Variants in HDLBP observed in about 807,000 individuals in gnomAD.
The protein encoded by HDLBP is high density lipoprotein binding protein.
HDLBP carries 30 observed loss-of-function variants against 137.3 expected under a neutral mutation model. That is an observed-to-expected ratio of 0.22 (90% confidence interval 0.16 to 0.30). HDLBP has a LOEUF of 0.30. Among genes scored for constraint, HDLBP ranks in the 10% least tolerant of loss-of-function variants. The probability of loss-of-function intolerance (pLI) is 1.00; values close to 1 mark genes in which losing one functional copy is unlikely to be tolerated. For missense variants in HDLBP, 1,119 were observed against 1,667.3 expected, an observed-to-expected ratio of 0.67 and a Z score of 5.73; for synonymous variants, 606 against 596.0, an observed-to-expected ratio of 1.02 and a Z score of -0.24.
intron 1 of HDLBP, among the ~76,000 whole-genome samples, chr2:241,282,855 G>T (rs919597742): frequency 6.6e-6 from 1 of 152,156 alleles, no homozygotes; most frequent in African/African-American, 2.4e-5. Flanking sequence ...ATATTGAGGG[G>T]AAACCAATTA....
chr2:241,271,326 G>A (rs1482264632), intron 1 of HDLBP, among the ~76,000 whole-genome samples: 4 of 152,174 alleles, frequency 2.6e-5, no homozygotes, highest in Non-Finnish European at 4.4e-5. Context: ...AAGCAAAAAA[G>A]GTCACATCTC....
chr2:241,249,418 A>G (rs1231779664), intron 12 of HDLBP: 3 of 476,550 alleles, frequency 6.3e-6, no homozygotes, highest in Non-Finnish European at 1.3e-5. Context: ...AGCCCAGAGC[A>G]GTGCAGTGCT....
intron 16 of HDLBP, among the ~76,000 whole-genome samples, chr2:241,245,571 C>A (rs995130699): frequency 1.3e-5 from 2 of 152,082 alleles, no homozygotes; most frequent in Non-Finnish European, 1.5e-5. Flanking sequence ...AAGGCCAAGG[C>A]GAGAGGATCA....
In HDLBP at chr2:241,229,275, A is replaced by G; in HGVS notation, c.*326T>C. ...GTCATGACACAGGAAGTGGAATCCTAGCCACGGCTGCGGAGCTCTCGTGAT... is the reference window on the plus strand; with the variant it reads ...GTCATGACACAGGAAGTGGAATCCTGGCCACGGCTGCGGAGCTCTCGTGAT... On this transcript the variant is annotated 3_prime_UTR_variant, in exon 28 of 28. Coordinates refer to ENST00000310931, the MANE Select transcript of HDLBP (RefSeq NM_005336.6). 2 of 292,090 alleles carry G rather than the reference A, an allele frequency of 6.8e-6. No homozygotes were observed. Among genetic ancestry groups the G allele is most frequent in the Non-Finnish European group, 1.3e-5 (2 of 151,286 alleles). 18.1% of individuals were successfully genotyped at this position (292,090 alleles called of 1,614,324 possible).
At chr2:241,314,803 T>A (rs1210335272) in intron 1 of HDLBP, among the ~76,000 whole-genome samples, 2 of 152,018 alleles carry the variant, frequency 1.3e-5, no homozygotes, top group Non-Finnish European at 2.9e-5. Context: ...AAGGCTCAGG[T>A]TCCCAACACC....
At chr2:241,258,762 G>T (rs139419703) in intron 5 of HDLBP, among the ~76,000 whole-genome samples, 49 of 152,274 alleles carry the variant, frequency 3.2e-4, no homozygotes, top group African/African-American at 1.2e-3. Context: ...TATTGAAAAG[G>T]TGCTCAATCT....
intron 5 of HDLBP, among the ~76,000 whole-genome samples, chr2:241,261,360 TG>T (rs1177168433): frequency 2.0e-5 from 3 of 152,188 alleles, no homozygotes; most frequent in Non-Finnish European, 4.4e-5. Context: ...AAACAGAGAC[TG>T]GGTTAAAAAG....
In HDLBP at chr2:241,230,021, G is replaced by A. The variant is rs536604188; in HGVS notation, c.3592-60C>T. On this transcript the variant is annotated intron_variant, in intron 26 of 27. Coordinates refer to ENST00000310931, the MANE Select transcript of HDLBP (RefSeq NM_005336.6). This position sits in a 1 kb window ranked among gnomAD's most constrained non-coding sequence, Gnocchi z 5.0. ...GCCCAGCACCCCCAGCATCCCGCCCGCCTGCTCACCCCTGCACCTCGCCTG... is the reference window on the plus strand; with the variant it reads ...GCCCAGCACCCCCAGCATCCCGCCCACCTGCTCACCCCTGCACCTCGCCTG... 1,842 of 1,574,514 alleles carry A rather than the reference G, an allele frequency of 1.2e-3. 1 individual carries two copies. Among genetic ancestry groups the A allele is most frequent in the Non-Finnish European group, 1.5e-3 (1,770 of 1,158,254 alleles).
chr2:241,287,714 G>A (rs932440734), intron 1 of HDLBP, among the ~76,000 whole-genome samples: 7 of 152,170 alleles, frequency 4.6e-5, no homozygotes, highest in African/African-American at 7.2e-5. Context: ...GAGCCACTGC[G>A]CCTGGCCTGC....
At chr2:241,264,094 T>TG (rs1197147587) in intron 4 of HDLBP, among the ~76,000 whole-genome samples, 1 of 138,394 alleles carries the variant, frequency 7.2e-6, no homozygotes, top group African/African-American at 2.5e-5. Flanking sequence ...CCGGGCGCGG[T>TG]GGCTCATGCC....
Position 241,272,276 on chromosome 2 carries a change from C to T in HDLBP, c.-102-3735G>A. ...CACCTGGGGGGAAGGACCCCGCTGG[C>T]CTCCCAGGGACCCCCACCCTGGCCG... On this transcript the variant is annotated intron_variant, in intron 1 of 27. Coordinates refer to ENST00000310931, the MANE Select transcript of HDLBP (RefSeq NM_005336.6). This position sits in a 1 kb window ranked among gnomAD's most constrained non-coding sequence, Gnocchi z 5.6. 1 of 976,698 alleles carries T rather than the reference C, an allele frequency of 1.0e-6. No individual in the cohort carries two copies. Among genetic ancestry groups the T allele is most frequent in the Non-Finnish European group, 1.2e-6 (1 of 822,196 alleles). The allele number at this position is 976,698 out of a possible 1,614,324, so 60.5% of individuals were successfully genotyped here.
At chr2:241,234,976 G>T in intron 23 of HDLBP, 145 bp downstream of exon 23, 1 of 914,816 alleles carries the variant, frequency 1.1e-6, no homozygotes, top group Non-Finnish European at 1.6e-6. Flanking sequence ...CCTGGATGCT[G>T]ACTGCGTCCT....
At chr2:241,245,559 G>C (rs2071605448) in intron 16 of HDLBP, among the ~76,000 whole-genome samples, 1 of 152,186 alleles carries the variant, frequency 6.6e-6, no homozygotes. Context: ...CCAGCAGTTT[G>C]GAAGGCCAAG....
intron 5 of HDLBP, among the ~76,000 whole-genome samples, chr2:241,258,214 G>A (rs1461286659): frequency 6.6e-6 from 1 of 152,018 alleles, no homozygotes; most frequent in Non-Finnish European, 1.5e-5. Context: ...TAGCATGGTG[G>A]CAGGCGCCTG....
At chr2:241,301,628 G>C (rs2075398970) in intron 1 of HDLBP, among the ~76,000 whole-genome samples, 1 of 152,106 alleles carries the variant, frequency 6.6e-6, no homozygotes, top group Admixed American at 6.5e-5. Flanking sequence ...CAAAGGAAAA[G>C]TGAATTTTAA....
rs117221347 is a variant in HDLBP, at chr2:241,257,957, T to C, written c.451-1151A>G. On this transcript the variant is annotated intron_variant, in intron 5 of 27. Transcript: ENST00000310931. ...GATAAAAGCAGCCACTCAAGTTCAC[T>C]AGAGCAAAACGTCTTTTCAAGACAG... Among the ~76,000 whole-genome samples, 1,621 of 152,336 alleles carry C rather than the reference T, an allele frequency of 0.011. 85 individuals carry two copies. In the South Asian group the frequency reaches 0.12, roughly 12 times the overall value.
chr2:241,264,411 A>G, intron 4 of HDLBP, 37 bp downstream of exon 4: 2 of 1,459,810 alleles, frequency 1.4e-6, no homozygotes, highest in Non-Finnish European at 9.4e-7. Flanking sequence ...GACATGTTAC[A>G]TGATAAAATT....
At chr2:241,278,183 G>A (rs913618545) in intron 1 of HDLBP, among the ~76,000 whole-genome samples, 14 of 152,280 alleles carry the variant, frequency 9.2e-5, no homozygotes, top group South Asian at 2.1e-4. Flanking sequence ...ATATTATCAC[G>A]ATGAAGTTTA....
chr2:241,267,911 C>T (rs2073800429), intron 2 of HDLBP: 2 of 985,426 alleles, frequency 2.0e-6, no homozygotes, highest in Non-Finnish European at 2.4e-6. Flanking sequence ...GGGATATGGG[C>T]TCCGAAAGCC....
Sources: allele counts gnomAD v4.1 joint callset (sites outside exome capture counted in the v4.1 genomes callset), GRCh38; gene constraint gnomAD v4.1.1; non-coding constraint Gnocchi (gnomAD v3.1); transcripts MANE v1.5; gene names NCBI Gene and HGNC (gene_info 2026-07-23, HGNC 2026-07-21).